PDE10A: variants seen among roughly 807,000 people sequenced by gnomAD.
PDE10A encodes the protein phosphodiesterase 10A, also known as cAMP and cAMP-inhibited cGMP 3',5'-cyclic phosphodiesterase 10A.
Under a neutral mutation model 97.7 loss-of-function variants are expected in PDE10A, and 39 were observed. That is an observed-to-expected ratio of 0.40 (90% CI 0.31 to 0.52). The LOEUF (loss-of-function observed/expected upper bound fraction) is 0.52, where lower values mean the gene tolerates loss of function less well. PDE10A is among the 20% of genes least tolerant of loss of function. The pLI is 0.56. For missense variants in PDE10A, 731 were observed against 1,047.8 expected (o/e 0.70, Z 4.17); for synonymous variants, 371 against 376.8 (o/e 0.98, Z 0.18).
Position 165,406,236 on chromosome 6 carries a change from G to GTT in PDE10A, c.2076+7264_2076+7265insAA, listed in dbSNP as rs150220611. Among the ~76,000 whole-genome samples the GTT allele has an allele frequency of 1.4e-4, 21 of 151,094 alleles. 1 individual carries two copies. Among genetic ancestry groups the GTT allele is most frequent in the South Asian group, 6.3e-4 (3 of 4,786 alleles). On this transcript the variant is annotated intron_variant, in intron 13 of 21. Coordinates refer to ENST00000539869, the MANE Select transcript of PDE10A (RefSeq NM_001385079.1). ...CAAGATGAGGGAAAAGGATGTGTGT[G>GTT]TGTGTGTGTGTGTGTGTGTGTGTGT... is the stretch of plus-strand genomic sequence containing the variant.
intron 1 of PDE10A, among the ~76,000 whole-genome samples, chr6:165,611,846 A>T (rs924386979): frequency 3.9e-5 from 6 of 152,236 alleles, no homozygotes; most frequent in African/African-American, 1.4e-4. Flanking sequence ...CAACTCTCTT[A>T]TTCAGCCAGT....
Position 165,329,231 on chromosome 6 carries a change from T to A in PDE10A, c.*3794A>T, listed in dbSNP as rs796282590. On this transcript the variant is annotated 3_prime_UTR_variant, in exon 22 of 22. Coordinates refer to ENST00000539869, the MANE Select transcript of PDE10A (RefSeq NM_001385079.1). ...CCAGTGTCACAGTTCTCTGAAGTTC[T>A]TGCCGAAAAGACTGACTCTGAACAG... is the stretch of plus-strand genomic sequence containing the variant. The A allele has an allele frequency of 6.6e-6, 1 of 152,194 alleles. No homozygotes were observed. The highest frequency in any genetic ancestry group is 1.5e-5 in the Non-Finnish European group (1 of 68,036). The allele number at this position is 152,194 out of a possible 1,614,324, so 9.4% of individuals were successfully genotyped here. A position where few individuals can be genotyped will look rare whatever the true frequency, so the allele number is the denominator to read the frequency against.
intron 1 of PDE10A, among the ~76,000 whole-genome samples, chr6:165,940,993 G>C (rs1340856709): frequency 1.3e-5 from 2 of 152,118 alleles, no homozygotes; most frequent in African/African-American, 2.4e-5. Context: ...ACTGCTGCAC[G>C]CACACTTCAA....
chr6:165,512,295 G>T (rs1188140200), intron 2 of PDE10A, among the ~76,000 whole-genome samples: 1 of 151,854 alleles, frequency 6.6e-6, no homozygotes, highest in East Asian at 1.9e-4. Context: ...GCCTAGGAAT[G>T]ATGAATTCCC....
chr6:165,695,455 C>A (rs1791420840), intron 1 of PDE10A, among the ~76,000 whole-genome samples: 1 of 152,204 alleles, frequency 6.6e-6, no homozygotes, highest in African/African-American at 2.4e-5. Context: ...CCCTCCCCAG[C>A]ACCCAGCTGG....
In PDE10A at chr6:165,973,103, A is replaced by C. The variant is rs78933210; in HGVS notation, c.-615+14426T>G. Among the ~76,000 whole-genome samples the C allele has an allele frequency of 5.8e-3, 888 of 152,306 alleles. 15 individuals carry two copies. Among genetic ancestry groups the C allele is most frequent in the African/African-American group, 0.02 (852 of 41,576 alleles). Reference sequence around the variant, plus strand: ...TAGGTTGCTCTCCATAATTCAAAAAAATACTGGTTGAGCCCAATCCAAAAT... The same window carrying C: ...TAGGTTGCTCTCCATAATTCAAAAACATACTGGTTGAGCCCAATCCAAAAT... On this transcript the variant is annotated intron_variant, in intron 1 of 19. Transcript: ENST00000366882.
intron 1 of PDE10A, among the ~76,000 whole-genome samples, chr6:165,843,343 C>T (rs1446756663): frequency 6.6e-6 from 1 of 152,208 alleles, no homozygotes; most frequent in Non-Finnish European, 1.5e-5. Context: ...CAGGCATGCA[C>T]CAGCCTCCCC....
At chr6:165,903,651 A>G (rs1004324911) in intron 1 of PDE10A, among the ~76,000 whole-genome samples, 155 of 152,336 alleles carry the variant, frequency 1.0e-3, no homozygotes, top group African/African-American at 3.4e-3. Context: ...GGAAGGATAA[A>G]AGGTGGAGGT....
At chr6:165,614,295 A>G (rs1787627116) in intron 1 of PDE10A, among the ~76,000 whole-genome samples, 1 of 152,158 alleles carries the variant, frequency 6.6e-6, no homozygotes, top group Non-Finnish European at 1.5e-5. Context: ...AATCCTCACC[A>G]TTTTTGGATA....
chr6:165,897,580 G>A (rs1409160285), intron 1 of PDE10A, among the ~76,000 whole-genome samples: 1 of 152,016 alleles, frequency 6.6e-6, no homozygotes, highest in African/African-American at 2.4e-5. Context: ...GGCAGGAACT[G>A]TTTCAATGAT....
chr6:165,713,091 G>A (rs767178149), intron 1 of PDE10A, among the ~76,000 whole-genome samples: 14 of 152,276 alleles, frequency 9.2e-5, no homozygotes, highest in African/African-American at 2.6e-4. Flanking sequence ...AGAGAGTGCC[G>A]CACACGTGAA....
At chr6:165,724,336 TAAG>T (rs72555454) in intron 1 of PDE10A, among the ~76,000 whole-genome samples, 93,724 of 151,586 alleles carry the variant, frequency 0.62, 29,397 homozygotes, top group South Asian at 0.71. Context: ...CTTTTGAGAC[TAAG>T]AAGAGGATCA....
intron 1 of PDE10A, among the ~76,000 whole-genome samples, chr6:165,767,479 C>T (rs1777886356): frequency 1.3e-5 from 2 of 152,200 alleles, no homozygotes; most frequent in Admixed American, 6.5e-5. Flanking sequence ...CACTAGCCTC[C>T]TTTCTGTCTC....
chr6:165,396,340 C>T lies in PDE10A; in HGVS notation c.2196G>A (p.Val732=). Residue 732 remains valine, a synonymous_variant, in exon 14 of 22, where the codon GTG becomes GTA. Coordinates refer to ENST00000539869, the MANE Select transcript of PDE10A (RefSeq NM_001385079.1). ...ACAATTCAATTTCTTTGCAGAGACG[C>T]ACGGGAAGGGTGAATTGCATGAGAC... ...WQGLMQFTLP[V]RLCKEIELFH... 6.2e-7 allele frequency: 1 copy of T among 1,612,918 alleles called. No homozygotes were observed. The highest frequency in any genetic ancestry group is 8.5e-7 in the Non-Finnish European group (1 of 1,179,368).
At chr6:165,545,819 G>T (rs1218834403) in intron 1 of PDE10A, among the ~76,000 whole-genome samples, 1 of 152,002 alleles carries the variant, frequency 6.6e-6, no homozygotes, top group East Asian at 1.9e-4. Context: ...TGATAAGGAT[G>T]CAAAATGCTA....
chr6:165,432,671 A>T (rs1202082656), intron 7 of PDE10A, among the ~76,000 whole-genome samples: 4 of 152,288 alleles, frequency 2.6e-5, no homozygotes, highest in East Asian at 3.9e-4. Context: ...AGACAACCAG[A>T]GTGTGAAAAG....
chr6:165,629,425 C>T (rs900976716), intron 1 of PDE10A, among the ~76,000 whole-genome samples: 2 of 151,662 alleles, frequency 1.3e-5, no homozygotes, highest in African/African-American at 4.9e-5. Flanking sequence ...GAAAAGAAGC[C>T]GTTTGAATGA....
At chr6:165,334,336 T>C (rs559244665) in intron 21 of PDE10A, among the ~76,000 whole-genome samples, 4 of 150,792 alleles carry the variant, frequency 2.7e-5, no homozygotes, top group African/African-American at 9.8e-5. Context: ...CGCGCCTCCA[T>C]AGCGCCCTAC....
intron 2 of PDE10A, among the ~76,000 whole-genome samples, chr6:165,483,979 A>G (rs2128282291): frequency 6.6e-6 from 1 of 152,374 alleles, no homozygotes; most frequent in African/African-American, 2.4e-5. Context: ...TTGAAAGAAA[A>G]AAATTTACCT....
Sources: allele counts gnomAD v4.1 joint callset (sites outside exome capture counted in the v4.1 genomes callset), GRCh38; gene constraint gnomAD v4.1.1; transcripts MANE v1.5; gene names NCBI Gene and HGNC (gene_info 2026-07-23, HGNC 2026-07-21).